GPR149: variants seen among roughly 807,000 people sequenced by gnomAD.
GPR149 encodes G protein-coupled receptor 149.
GPR149 carries 50 observed loss-of-function variants against 50.2 expected under a neutral mutation model. The ratio of observed to expected loss-of-function variants is 1.00; its 90% CI spans 0.79 to 1.26. The LOEUF is 1.26. GPR149 is among the 50% of genes most tolerant of loss of function. GPR149 has a pLI of 0.00. For synonymous variants in GPR149, 405 were observed against 358.2 expected (o/e 1.13, Z -1.48); for missense variants, 983 against 895.4 (o/e 1.10, Z -1.25).
chr3:154,349,166 C>T (rs781004163), intron 3 of GPR149, among the ~76,000 whole-genome samples: 7 of 151,906 alleles, frequency 4.6e-5, no homozygotes, highest in Non-Finnish European at 1.0e-4. Context: ...GAGTAATAGT[C>T]TTAAACCAAT....
chr3:154,372,406 A>G (rs1170204616), intron 3 of GPR149, among the ~76,000 whole-genome samples: 2 of 152,164 alleles, frequency 1.3e-5, no homozygotes, highest in African/African-American at 2.4e-5. Flanking sequence ...AATGTTAAAA[A>G]CCAGTTTTTC....
chr3:154,427,673 C>A lies in GPR149; in HGVS notation c.1017G>T (p.Gln339His). ...HMVVQNVVGF[Q>H]SLPLETFSFL... is the part of the protein sequence containing the mutation. ...AGCTGAATGTCTCCAAGGGAAGGCT[C>A]TGAAACCCCACGACGTTCTGGACCA... Residue 339 changes from glutamine to histidine, a missense_variant, in exon 2 of 4, where the codon CAG becomes CAT. Coordinates refer to ENST00000389740, the MANE Select transcript of GPR149 (RefSeq NM_001038705.3). 6.2e-7 allele frequency: 1 copy of A among 1,613,914 alleles called. No homozygotes were observed. Among genetic ancestry groups the A allele is most frequent in the Non-Finnish European group, 8.5e-7 (1 of 1,179,862 alleles).
chr3:154,429,845 T>C lies in GPR149; in HGVS notation c.-230A>G, dbSNP rs1576935949. Reference sequence around the variant, plus strand: ...ATAAAAAAAAAAAAACCCGAACAGATAACTTTTCAACATTCCAATTAAAAA... The same window carrying C: ...ATAAAAAAAAAAAAACCCGAACAGACAACTTTTCAACATTCCAATTAAAAA... On this transcript the variant is annotated 5_prime_UTR_variant, in exon 1 of 4. Coordinates refer to ENST00000389740, the MANE Select transcript of GPR149 (RefSeq NM_001038705.3). 2.5e-6 allele frequency: 1 copy of C among 398,098 alleles called. No homozygotes were observed. The highest frequency in any genetic ancestry group is 4.9e-5 in the South Asian group (1 of 20,362). 24.7% of individuals were successfully genotyped at this position (398,098 alleles called of 1,614,324 possible). A position where few individuals can be genotyped will look rare whatever the true frequency, so the allele number is the denominator to read the frequency against.
intron 3 of GPR149, among the ~76,000 whole-genome samples, chr3:154,370,596 C>T (rs898745651): frequency 6.6e-6 from 1 of 152,114 alleles, no homozygotes; most frequent in Non-Finnish European, 1.5e-5. Context: ...AGGCACCCAA[C>T]CAGATGATTC....
chr3:154,373,369 A>G (rs991819552), intron 3 of GPR149, among the ~76,000 whole-genome samples: 8 of 152,224 alleles, frequency 5.3e-5, no homozygotes, highest in Non-Finnish European at 1.0e-4. Flanking sequence ...ATCAATGCAA[A>G]GATGAACATA....
chr3:154,400,833 T>A (rs973375450), intron 3 of GPR149, among the ~76,000 whole-genome samples: 2 of 152,232 alleles, frequency 1.3e-5, no homozygotes, highest in African/African-American at 4.8e-5. Context: ...CCTGCAACAT[T>A]TCATAAGAGA....
intron 3 of GPR149, among the ~76,000 whole-genome samples, chr3:154,361,698 T>C (rs1480253142): frequency 6.6e-6 from 1 of 152,186 alleles, no homozygotes; most frequent in Non-Finnish European, 1.5e-5. Context: ...CATCCTAATG[T>C]GGAAGTCTAG....
rs141516899 is a variant in GPR149, at chr3:154,350,368, C to T, written c.1624-12097G>A. The stretch of plus-strand genomic sequence containing the variant: ...AAGCAAGGTCACAGGATATAAGATA[C>T]ATGTACAAAATCATTTGTACTTCTA... On this transcript the variant is annotated intron_variant, in intron 3 of 3. Transcript: ENST00000389740. Among the ~76,000 whole-genome samples, 681 of 152,266 alleles carry T rather than the reference C, an allele frequency of 4.5e-3. 6 individuals carry two copies. Among genetic ancestry groups the T allele is most frequent in the African/African-American group, 0.015 (636 of 41,558 alleles).
intron 3 of GPR149, among the ~76,000 whole-genome samples, chr3:154,383,463 C>A (rs1176225474): frequency 6.6e-6 from 1 of 152,018 alleles, no homozygotes; most frequent in African/African-American, 2.4e-5. Flanking sequence ...TGTGCGAGTC[C>A]TTCACAGTGA....
chr3:154,337,582 A>T lies in GPR149; in HGVS notation c.*117T>A. 1.2e-6 allele frequency: 1 copy of T among 830,270 alleles called. No individual in the cohort carries two copies. Among genetic ancestry groups the T allele is most frequent in the Non-Finnish European group, 1.8e-6 (1 of 542,672 alleles). 51.4% of individuals were successfully genotyped at this position (830,270 alleles called of 1,614,324 possible). On this transcript the variant is annotated 3_prime_UTR_variant, in exon 4 of 4. Transcript: ENST00000389740. ...TGTTCCCACAAAAAAATTAACTATT[A>T]AATCAGTAAAACTAATGTAAGCCAA...
At chr3:154,351,322 A>T (rs1440432022) in intron 3 of GPR149, among the ~76,000 whole-genome samples, 4,250 of 135,112 alleles carry the variant, frequency 0.031, 31 homozygotes, top group Non-Finnish European at 0.05. Context: ...ACAAAAAAAA[A>T]AAAAAAAAAA....
chr3:154,390,371 T>C (rs1353147203), intron 3 of GPR149, among the ~76,000 whole-genome samples: 2 of 151,244 alleles, frequency 1.3e-5, no homozygotes, highest in Non-Finnish European at 3.0e-5. Flanking sequence ...AACAAAGAGA[T>C]AGAAAATATA....
chr3:154,386,936 T>C (rs1715056884), intron 3 of GPR149, among the ~76,000 whole-genome samples: 1 of 151,002 alleles, frequency 6.6e-6, no homozygotes, highest in African/African-American at 2.4e-5. Context: ...ATTCAGCTTT[T>C]CTTTTTTGGA....
Position 154,427,723 on chromosome 3 carries a change from G to A in GPR149, c.982-15C>T, listed in dbSNP as rs779427290. 2.5e-6 allele frequency: 4 copies of A among 1,604,062 alleles called. No individual in the cohort carries two copies. Among genetic ancestry groups the A allele is most frequent in the Non-Finnish European group, 8.5e-7 (1 of 1,175,374 alleles). On this transcript the variant is annotated splice_polypyrimidine_tract_variant and intron_variant, in intron 1 of 3. Coordinates refer to ENST00000389740, the MANE Select transcript of GPR149 (RefSeq NM_001038705.3). ...ACCATGTGCATCTGCAAGGGCAAGA[G>A]AACTTCAGACCTAACCTAAAATTAT...
chr3:154,354,768 C>T, intron 3 of GPR149: 1 of 725,574 alleles, frequency 1.4e-6, no homozygotes, highest in Non-Finnish European at 2.0e-6. Context: ...TTTTCAGCTC[C>T]ATAATGTCGC....
chr3:154,417,644 T>C (rs1425462108), intron 3 of GPR149, among the ~76,000 whole-genome samples: 2 of 152,154 alleles, frequency 1.3e-5, no homozygotes, highest in South Asian at 2.1e-4. Flanking sequence ...GAAGTAGTGT[T>C]TTTATAGAGT....
intron 3 of GPR149, among the ~76,000 whole-genome samples, chr3:154,381,464 G>C (rs978772825): frequency 5.3e-5 from 8 of 152,056 alleles, no homozygotes; most frequent in African/African-American, 1.7e-4. Flanking sequence ...CATTTTTCTT[G>C]AGTGCCAAGA....
chr3:154,344,536 T>C (rs1215227383), intron 3 of GPR149, among the ~76,000 whole-genome samples: 1 of 152,122 alleles, frequency 6.6e-6, no homozygotes, highest in East Asian at 1.9e-4. Flanking sequence ...TATTTGGAAA[T>C]AGGGTTTTTG....
intron 3 of GPR149, among the ~76,000 whole-genome samples, chr3:154,373,272 G>T (rs975342531): frequency 2.6e-5 from 4 of 152,132 alleles, no homozygotes; most frequent in African/African-American, 9.7e-5. Context: ...ATGCTGCTTA[G>T]ATATCAGGTA....
Sources: allele counts gnomAD v4.1 joint callset (sites outside exome capture counted in the v4.1 genomes callset), GRCh38; gene constraint gnomAD v4.1.1; transcripts MANE v1.5; gene names NCBI Gene and HGNC (gene_info 2026-07-23, HGNC 2026-07-21).